Variants in ITPRID1 observed in about 807,000 individuals in gnomAD.
The protein encoded by ITPRID1 is protein ITPRID1.
ITPRID1 carries 96 observed loss-of-function variants against 95.4 expected under a neutral mutation model. That is an observed-to-expected ratio of 1.01 (90% CI 0.85 to 1.19). The LOEUF (loss-of-function observed/expected upper bound fraction) is 1.19. Among genes scored for constraint, ITPRID1 ranks in the 50% most tolerant of loss-of-function variants. The probability of loss-of-function intolerance (pLI) is 0.00; values close to 1 mark genes in which losing one functional copy is unlikely to be tolerated. For missense variants in ITPRID1, 1,339 were observed against 1,252.9 expected, an observed-to-expected ratio of 1.07 and a Z score of -1.04; for synonymous variants, 510 against 453.6, an observed-to-expected ratio of 1.12 and a Z score of -1.58.
intron 5 of ITPRID1, among the ~76,000 whole-genome samples, chr7:31,557,538 G>A (rs1784489537): frequency 6.6e-6 from 1 of 152,096 alleles, no homozygotes; most frequent in African/African-American, 2.4e-5. Flanking sequence ...TTTTTATTAA[G>A]CGGGAATCTG....
At chr7:31,627,024 G>A (rs1259191395) in intron 10 of ITPRID1, among the ~76,000 whole-genome samples, 3 of 152,226 alleles carry the variant, frequency 2.0e-5, no homozygotes, top group African/African-American at 4.8e-5. Flanking sequence ...AAACACATAT[G>A]TTGAGGAAGG....
chr7:31,654,275 G>A lies in ITPRID1; in HGVS notation c.*1446G>A, dbSNP rs775045405. 1.3e-5 allele frequency among the ~76,000 whole-genome samples: 2 copies of A among 152,128 alleles called. No homozygotes were observed. The highest frequency in any genetic ancestry group is 2.9e-5 in the Non-Finnish European group (2 of 68,014). Reference sequence around the variant, plus strand: ...ATTTTGCAAAAGAACATTCAAAGCAGAAGGAATGGAAAGTTAACAGGCCCC... The same window carrying A: ...ATTTTGCAAAAGAACATTCAAAGCAAAAGGAATGGAAAGTTAACAGGCCCC... On this transcript the variant is annotated 3_prime_UTR_variant, in exon 15 of 15. Coordinates refer to ENST00000615280, the MANE Select transcript of ITPRID1 (RefSeq NM_001257967.3).
chr7:31,561,581 G>A lies in ITPRID1; in HGVS notation c.256+6680G>A, dbSNP rs188878174. 2.4e-3 allele frequency among the ~76,000 whole-genome samples: 358 copies of A among 152,286 alleles called. 1 individual carries two copies. The highest frequency in any genetic ancestry group is 8.0e-3 in the African/African-American group (332 of 41,562). On this transcript the variant is annotated intron_variant, in intron 5 of 14. Coordinates refer to ENST00000615280, the MANE Select transcript of ITPRID1 (RefSeq NM_001257967.3). ...AACTGCAAAAGGTTGGACAGCTGCC[G>A]TTGCTGCTTACGTTGTGAGTCTCAC... is the stretch of plus-strand genomic sequence containing the variant.
chr7:31,555,798 C>T (rs959815560), intron 5 of ITPRID1, among the ~76,000 whole-genome samples: 1 of 152,086 alleles, frequency 6.6e-6, no homozygotes, highest in African/African-American at 2.4e-5. Flanking sequence ...TAAGACTGAC[C>T]GTTGGCTACA....
intron 10 of ITPRID1, among the ~76,000 whole-genome samples, chr7:31,588,629 CT>C (rs1785726000): frequency 1.9e-3 from 1 of 540 alleles, no homozygotes. Context: ...GATACTCTGT[CT>C]CAAAAAAAAA....
chr7:31,642,165 T>TC lies in ITPRID1; in HGVS notation c.1229-10dup. ...CCCTTTAATAACCTCAAGACCTCTT[T>TC]CATTCTGCAGGTGCCAGGGTGGACA... On this transcript the variant is annotated splice_polypyrimidine_tract_variant and intron_variant, in intron 10 of 14. Transcript: ENST00000615280. The TC allele has an allele frequency of 6.4e-7, 1 of 1,553,096 alleles. No homozygotes were observed. The highest frequency in any genetic ancestry group is 8.7e-7 in the Non-Finnish European group (1 of 1,148,480).
Position 31,643,603 on chromosome 7 carries a change from G to T in ITPRID1, c.2233G>T (p.Ala745Ser), listed in dbSNP as rs750560323. The T allele has an allele frequency of 1.2e-6, 2 of 1,613,978 alleles. No homozygotes were observed. Among genetic ancestry groups the T allele is most frequent in the Non-Finnish European group, 1.7e-6 (2 of 1,179,882 alleles). Residue 745 changes from alanine to serine, a missense_variant, in exon 12 of 15, where the codon GCA becomes TCA. Coordinates refer to ENST00000615280, the MANE Select transcript of ITPRID1 (RefSeq NM_001257967.3). ...ATGCACTGTGTGTGATCCTGTTACCGCAACAGAAACAAGACTGGGGACAAA... is the reference window on the plus strand; with the variant it reads ...ATGCACTGTGTGTGATCCTGTTACCTCAACAGAAACAAGACTGGGGACAAA... The part of the protein sequence containing the change: ...LECTVCDPVT[A>S]TETRLGTKAR...
intron 10 of ITPRID1, among the ~76,000 whole-genome samples, chr7:31,636,121 C>T (rs1273002826): frequency 6.6e-6 from 1 of 152,080 alleles, no homozygotes; most frequent in Non-Finnish European, 1.5e-5. Context: ...AACTCACTCA[C>T]TGTCACAAGA....
In ITPRID1 at chr7:31,655,951, G is replaced by A; in HGVS notation, c.*3122G>A. The A allele has an allele frequency of 2.0e-5, 20 of 985,358 alleles. No homozygotes were observed. Among genetic ancestry groups the A allele is most frequent in the Non-Finnish European group, 2.3e-5 (19 of 829,910 alleles). The allele number at this position is 985,358 out of a possible 1,614,324, so 61.0% of individuals were successfully genotyped here. On this transcript the variant is annotated 3_prime_UTR_variant, in exon 15 of 15. Transcript: ENST00000615280. ...AGTCTCATTTCCTGCTCATCCCTCA[G>A]ATGAATCTCCAATTCTATTCCCCTA...
At chr7:31,649,345 A>C (rs1382861252) in intron 12 of ITPRID1, among the ~76,000 whole-genome samples, 1 of 152,190 alleles carries the variant, frequency 6.6e-6, no homozygotes, top group African/African-American at 2.4e-5. Context: ...GAGTCCACCT[A>C]GCTGTAAAGT....
chr7:31,536,749 A>G (rs1443312572), intron 1 of ITPRID1, among the ~76,000 whole-genome samples: 1 of 152,150 alleles, frequency 6.6e-6, no homozygotes, highest in African/African-American at 2.4e-5. Flanking sequence ...ACAGAAAGAT[A>G]GAATCAGAAC....
At position 31,531,435 on chromosome 7, in the gene ITPRID1, C is replaced by T. The variant is rs991903160; in HGVS notation, c.-98+17315C>T. Reference sequence around the variant, plus strand: ...GCATATGAGGAAGTGTTATGATTTTCGTTGTTATCGTTTCTTTCTAATTTG... The same window carrying T: ...GCATATGAGGAAGTGTTATGATTTTTGTTGTTATCGTTTCTTTCTAATTTG... On this transcript the variant is annotated intron_variant, in intron 1 of 14. Coordinates refer to ENST00000615280, the MANE Select transcript of ITPRID1 (RefSeq NM_001257967.3). Among the ~76,000 whole-genome samples the T allele has an allele frequency of 3.7e-4, 56 of 152,098 alleles. 1 individual carries two copies. The highest frequency in any genetic ancestry group is 1.0e-4 in the Non-Finnish European group (7 of 68,016).
At chr7:31,560,986 A>G (rs938507031) in intron 5 of ITPRID1, among the ~76,000 whole-genome samples, 7 of 152,086 alleles carry the variant, frequency 4.6e-5, no homozygotes, top group Non-Finnish European at 8.8e-5. Flanking sequence ...GTAATGAGGT[A>G]AAAAGGGAAC....
chr7:31,647,087 C>T (rs540773499), intron 12 of ITPRID1, among the ~76,000 whole-genome samples: 5 of 152,292 alleles, frequency 3.3e-5, no homozygotes, highest in Non-Finnish European at 2.9e-5. Context: ...TGCACACAGG[C>T]GCATGTGCTG....
At chr7:31,616,659 C>T (rs1304557337) in intron 10 of ITPRID1, among the ~76,000 whole-genome samples, 1 of 151,996 alleles carries the variant, frequency 6.6e-6, no homozygotes. Flanking sequence ...AGGTAAATTC[C>T]CCAGATAGCT....
At chr7:31,636,956 G>A (rs1252176663) in intron 10 of ITPRID1, among the ~76,000 whole-genome samples, 7 of 136,920 alleles carry the variant, frequency 5.1e-5, no homozygotes, top group African/African-American at 1.1e-4. Flanking sequence ...TTATTGTTCA[G>A]TTCCCACCTA....
Position 31,652,698 on chromosome 7 carries a change from G to C in ITPRID1, c.3004G>C (p.Ala1002Pro). The C allele has an allele frequency of 6.2e-7, 1 of 1,613,928 alleles. No individual in the cohort carries two copies. The highest frequency in any genetic ancestry group is 8.5e-7 in the Non-Finnish European group (1 of 1,179,896). The change falls in exon 15 of 15, where the codon GCT (alanine) becomes CCT (proline). Residue 1002 changes from alanine (A) to proline (P), a missense_variant. Physicochemically the swap from Ala to Pro is conservative, Grantham distance 27. Coordinates refer to ENST00000615280, the MANE Select transcript of ITPRID1 (RefSeq NM_001257967.3). ...EAPCSGGTQLAAFTPPTLENS... is the reference protein window; with the variant it reads ...EAPCSGGTQLPAFTPPTLENS... ...TCCCTGTTCAGGTGGGACCCAGTTG[G>C]CTGCCTTCACTCCACCCACCTTGGA...
At chr7:31,541,678 G>A (rs1271266248) in intron 1 of ITPRID1, among the ~76,000 whole-genome samples, 1 of 152,022 alleles carries the variant, frequency 6.6e-6, no homozygotes, top group African/African-American at 2.4e-5. Context: ...ATGTGACAAT[G>A]CTTCCTGTAT....
rs566113582 is a variant in ITPRID1, at chr7:31,656,430, C to T, written c.*3601C>T. 77 of 743,882 alleles carry T rather than the reference C, an allele frequency of 1.0e-4. No individual in the cohort carries two copies. The highest frequency in any genetic ancestry group is 2.4e-4 in the South Asian group (4 of 16,340). The allele number at this position is 743,882 out of a possible 1,614,324, so 46.1% of individuals were successfully genotyped here. ...GCAGTGTTTAATCCAATGTCCATCA[C>T]GTAGTAAGTGTTCAATGCATGTTGG... On this transcript the variant is annotated 3_prime_UTR_variant, in exon 15 of 15. Transcript: ENST00000615280.
Sources: gnomAD v4.1 joint callset for allele counts (sites outside exome capture counted in the v4.1 genomes callset) on GRCh38, gnomAD v4.1.1 for gene constraint, MANE v1.5 for transcripts, NCBI Gene and HGNC (gene_info 2026-07-23, HGNC 2026-07-21) for gene names.